MYO5C: variants seen among roughly 807,000 people sequenced by gnomAD.
MYO5C encodes the protein unconventional myosin-Vc.
In MYO5C, 194 loss-of-function variants were observed where a neutral mutation model predicts 235.7. That is an observed-to-expected ratio of 0.82 (90% CI 0.73 to 0.93). The LOEUF is 0.93. Among genes scored for constraint, MYO5C ranks in the 40% least tolerant of loss-of-function variants. MYO5C has a pLI of 0.00. For synonymous variants in MYO5C, 707 were observed against 754.8 expected, an observed-to-expected ratio of 0.94 and a Z score of 1.04; for missense variants, 2,038 against 2,127.2, an observed-to-expected ratio of 0.96 and a Z score of 0.82.
chr15:52,293,379 G>A (rs1442683535), intron 1 of MYO5C, among the ~76,000 whole-genome samples: 2 of 152,040 alleles, frequency 1.3e-5, no homozygotes, highest in African/African-American at 2.4e-5. Flanking sequence ...GTGTCTTGTT[G>A]GCTTCAGTGA....
At chr15:52,240,362 A>C (rs1288071285) in intron 20 of MYO5C, among the ~76,000 whole-genome samples, 1 of 151,996 alleles carries the variant, frequency 6.6e-6, no homozygotes, top group Non-Finnish European at 1.5e-5. Flanking sequence ...TGAGGCCAGG[A>C]GTTCAAGACC....
At position 52,242,138 on chromosome 15, in the gene MYO5C, A is replaced by G; in HGVS notation, c.2466T>C (p.Leu822=). 1 of 1,614,210 alleles carries G rather than the reference A, an allele frequency of 6.2e-7. No homozygotes were observed. Among genetic ancestry groups the G allele is most frequent in the African/African-American group, 1.3e-5 (1 of 75,070 alleles). The change falls in exon 20 of 41, where the codon CTT becomes CTC. Residue 822 remains leucine (L), a synonymous_variant. Coordinates refer to ENST00000261839, the MANE Select transcript of MYO5C (RefSeq NM_018728.4). ...GAATCAACTGATACAGGCTGCGAAC[A>G]AGATACCCGCGGCAGTGCTTCTGAA... ...IIIQKHCRGY[L]VRSLYQLIRM...
intron 26 of MYO5C, 77 bp downstream of exon 26, chr15:52,225,362 C>T: frequency 7.9e-7 from 1 of 1,260,976 alleles, no homozygotes; most frequent in Non-Finnish European, 1.2e-6. Context: ...TACCAAAGGA[C>T]ACGTTTCCTT....
At chr15:52,288,957 G>A (rs1006756013) in intron 1 of MYO5C, among the ~76,000 whole-genome samples, 7 of 152,132 alleles carry the variant, frequency 4.6e-5, no homozygotes, top group Non-Finnish European at 7.4e-5. Context: ...TTCTCACGCC[G>A]CCTGCTTTTC....
At position 52,278,931 on chromosome 15, in the gene MYO5C, C is replaced by T; in HGVS notation, c.391G>A (p.Gly131Ser). The T allele has an allele frequency of 6.2e-7, 1 of 1,614,114 alleles. No homozygotes were observed. Among genetic ancestry groups the T allele is most frequent in the Non-Finnish European group, 8.5e-7 (1 of 1,180,022 alleles). ...GCAAATATGTGTGGGTCCATATCGC[C>T]CATGTTCTGCCCGCTGTAGGCGTGG... is the stretch of plus-strand genomic sequence containing the variant. ...IIHAYSGQNM[G>S]DMDPHIFAVA... Residue 131 changes from glycine (G) to serine (S), a missense_variant, in exon 4 of 41, where the codon GGC becomes AGC. Gly to Ser is a moderately conservative substitution (Grantham distance 56, BLOSUM62 0). Coordinates refer to ENST00000261839, the MANE Select transcript of MYO5C (RefSeq NM_018728.4).
chr15:52,275,158 T>C lies in MYO5C; in HGVS notation c.606+404A>G, dbSNP rs921047037. ...GCAGAAGGTATAAATACTTCTCCCC[T>C]GACTGATGTCAAACTACCAAAGGTT... On this transcript the variant is annotated intron_variant, in intron 5 of 40. Transcript: ENST00000261839. Among the ~76,000 whole-genome samples, 26 of 152,260 alleles carry C rather than the reference T, an allele frequency of 1.7e-4. 1 individual carries two copies. Among genetic ancestry groups the C allele is most frequent in the Admixed American group, 6.5e-5 (1 of 15,288 alleles).
chr15:52,271,621 A>T, intron 7 of MYO5C, 142 bp downstream of exon 7: 1 of 463,044 alleles, frequency 2.2e-6, no homozygotes, highest in East Asian at 3.7e-5. Flanking sequence ...AATTAGATGC[A>T]CCAATTCTGT....
In MYO5C at chr15:52,239,761, TGGAC is replaced by T. The variant is rs751291788; in HGVS notation, c.2671_2674del (p.Val891SerfsTer21). ...ATCTTCCAACTTTTTCTGCAAACGCTGGACCCTGTAAGTAAGCTGAATATTAAGC... is the reference window on the plus strand; with the variant it reads ...ATCTTCCAACTTTTTCTGCAAACGCTCCTGTAAGTAAGCTGAATATTAAGC... On this transcript the variant is annotated frameshift_variant, in exon 21 of 41. Transcript: ENST00000261839. LOFTEE classifies it high-confidence loss of function. 8.1e-6 allele frequency: 13 copies of T among 1,611,658 alleles called. No homozygotes were observed. The highest frequency in any genetic ancestry group is 1.1e-5 in the Non-Finnish European group (13 of 1,178,516).
In MYO5C at chr15:52,272,572, A is replaced by G. The variant is rs1170822599; in HGVS notation, c.750+8T>C. The G allele has an allele frequency of 1.2e-6, 2 of 1,609,800 alleles. No homozygotes were observed. The highest frequency in any genetic ancestry group is 1.7e-6 in the Non-Finnish European group (2 of 1,178,838). ...AAAAAGTTGGGGAAAAGGAAATTTA[A>G]TACTTACTTGAAAGACAACTCTGGA... On this transcript the variant is annotated splice_region_variant and intron_variant, in intron 6 of 40. Coordinates refer to ENST00000261839, the MANE Select transcript of MYO5C (RefSeq NM_018728.4).
At chr15:52,205,196 G>A (rs374194841) in intron 37 of MYO5C, 49 bp from the exon 38 acceptor site, 1,167 of 1,586,496 alleles carry the variant, frequency 7.4e-4, no homozygotes, top group Non-Finnish European at 9.3e-4. Context: ...GACACACGCG[G>A]AACGTTCCCG....
At chr15:52,282,125 A>G (rs1027531964) in intron 2 of MYO5C, among the ~76,000 whole-genome samples, 9 of 152,150 alleles carry the variant, frequency 5.9e-5, no homozygotes, top group African/African-American at 2.2e-4. Context: ...AGCTCATCCT[A>G]CCACAGGAGC....
At chr15:52,211,499 G>A (rs1433852683) in intron 35 of MYO5C, among the ~76,000 whole-genome samples, 1 of 152,196 alleles carries the variant, frequency 6.6e-6, no homozygotes, top group Non-Finnish European at 1.5e-5. Context: ...GCAGTGGTGG[G>A]GCAGTGGCTA....
chr15:52,286,631 G>A (rs1220529456), intron 1 of MYO5C, among the ~76,000 whole-genome samples: 1 of 152,160 alleles, frequency 6.6e-6, no homozygotes, highest in Non-Finnish European at 1.5e-5. Flanking sequence ...CTGTTGATCT[G>A]TGACCTTGCC....
Position 52,275,574 on chromosome 15 carries a change from A to C in MYO5C, c.594T>G (p.Asn198Lys). The C allele has an allele frequency of 6.2e-7, 1 of 1,614,152 alleles. No homozygotes were observed. The highest frequency in any genetic ancestry group is 8.5e-7 in the Non-Finnish European group (1 of 1,180,022). ...AHVEDKVLAS[N>K]PITEAVGNAK... ...CAGTGGTACGCACCTCGGTGATGGG[A>C]TTGGATGCCAGGACCTTGTCTTCCA... The change falls in exon 5 of 41, where the codon AAT becomes AAG. Residue 198 changes from asparagine to lysine, a missense_variant. By Grantham distance (94) the Asn-to-Lys change is moderately conservative (BLOSUM62 0). Transcript: ENST00000261839.
chr15:52,250,367 T>C (rs1429154018), intron 13 of MYO5C, among the ~76,000 whole-genome samples: 1 of 151,404 alleles, frequency 6.6e-6, no homozygotes, highest in African/African-American at 2.4e-5. Flanking sequence ...CTCAGCCACC[T>C]GAGTAGCTGG....
In MYO5C at chr15:52,271,786, G is replaced by A. The variant is rs185635936; in HGVS notation, c.809C>T (p.Ser270Leu). 8.4e-5 allele frequency: 132 copies of A among 1,565,822 alleles called. No homozygotes were observed. In the African/African-American group the frequency reaches 1.4e-3, roughly 16 times the overall value. The change falls in exon 7 of 41, where the codon TCG becomes TTG. Residue 270 changes from serine to leucine, a missense_variant. Transcript: ENST00000261839. ...FYQLCASAQQSEFKHLKLGSA... is the reference protein window; with the variant it reads ...FYQLCASAQQLEFKHLKLGSA... The stretch of plus-strand genomic sequence containing the variant: ...ACCCAATTTAAGATGTTTAAATTCC[G>A]ACTGCTGTGCAGATGCACAAAGCTG...
intron 31 of MYO5C, 130 bp downstream of exon 31, chr15:52,219,629 A>G (rs1453591403): frequency 8.9e-6 from 6 of 673,276 alleles, no homozygotes; most frequent in African/African-American, 7.2e-5. Flanking sequence ...TCCCATCAGA[A>G]TGGCAATATG....
At chr15:52,273,588 A>G (rs2036972693) in intron 5 of MYO5C, among the ~76,000 whole-genome samples, 1 of 152,120 alleles carries the variant, frequency 6.6e-6, no homozygotes. Flanking sequence ...TCTTTCTGCC[A>G]TGTAAGGGTA....
rs756408236 is a variant in MYO5C, at chr15:52,232,235, A to AGAAAGAAGGAAGGAG, written c.3026+386_3026+387insCTCCTTCCTTCTTTC. On this transcript the variant is annotated intron_variant, in intron 24 of 40. Transcript: ENST00000261839. ...AAGAAAGAAAATGAAAGAAAGAAGA[A>AGAAAGAAGGAAGGAG]AGAAAGAAGGAAGGAGAGAAGGAAG... Among the ~76,000 whole-genome samples, 119 of 15,138 alleles carry AGAAAGAAGGAAGGAG rather than the reference A, an allele frequency of 7.9e-3. 14 individuals carry two copies. Among genetic ancestry groups the AGAAAGAAGGAAGGAG allele is most frequent in the African/African-American group, 0.015 (118 of 8,054 alleles). The allele number at this position is 15,138 out of a possible 152,430, so 9.9% of individuals were successfully genotyped here.
Sources: allele counts gnomAD v4.1 joint callset (sites outside exome capture counted in the v4.1 genomes callset), GRCh38; gene constraint gnomAD v4.1.1; transcripts MANE v1.5; gene names NCBI Gene and HGNC (gene_info 2026-07-23, HGNC 2026-07-21).